The following TBXAS1 variants were observed in gnomAD, a reference collection of about 807,000 sequenced individuals.
TBXAS1 encodes thromboxane-A synthase.
TBXAS1 carries 48 observed loss-of-function variants against 60.7 expected under a neutral mutation model. The ratio of observed to expected loss-of-function variants is 0.79; its 90% confidence interval spans 0.63 to 1.01. The LOEUF is 1.01. Among genes scored for constraint, TBXAS1 ranks in the 50% least tolerant of loss-of-function variants. TBXAS1 has a pLI of 0.00. For synonymous variants in TBXAS1, 287 were observed against 269.7 expected (o/e 1.06, Z -0.63); for missense variants, 685 against 686.3 (o/e 1.00, Z 0.02).
chr7:139,807,039 G>A (rs956967049), intron 4 of TBXAS1, among the ~76,000 whole-genome samples: 2 of 152,294 alleles, frequency 1.3e-5, no homozygotes, highest in East Asian at 1.9e-4. Context: ...CACTTGCTGG[G>A]GAGTCATCCT....
At chr7:139,813,540 G>T (rs544984357) in intron 4 of TBXAS1, among the ~76,000 whole-genome samples, 5 of 152,196 alleles carry the variant, frequency 3.3e-5, no homozygotes, top group Non-Finnish European at 7.3e-5. Context: ...GTTATATCCT[G>T]CTTCTTTTGA....
intron 9 of TBXAS1, among the ~76,000 whole-genome samples, chr7:140,001,943 G>A (rs1398343918): frequency 6.6e-6 from 1 of 152,094 alleles, no homozygotes; most frequent in Non-Finnish European, 1.5e-5. Context: ...TCCCAAATGT[G>A]GGAGATGTGT....
intron 1 of TBXAS1, among the ~76,000 whole-genome samples, chr7:139,840,658 A>G (rs1343212311): frequency 6.6e-6 from 1 of 152,124 alleles, no homozygotes; most frequent in Non-Finnish European, 1.5e-5. Flanking sequence ...ACGGAGGAAT[A>G]AGACATTCAA....
At chr7:139,991,382 T>C (rs1812890432) in intron 9 of TBXAS1, among the ~76,000 whole-genome samples, 1 of 146,840 alleles carries the variant, frequency 6.8e-6, no homozygotes. Context: ...ACCACCAGTG[T>C]CCTCCTGGCT....
rs546343611 is a variant in TBXAS1 at position 139,875,858 on chromosome 7, A to C, written c.236+221A>C. Reference sequence around the variant, plus strand: ...CCACGGGGGGACTCTGCTGGCCTGAAAGAGTACCACTTTCCAGCCTTTGCA... The same window carrying C: ...CCACGGGGGGACTCTGCTGGCCTGACAGAGTACCACTTTCCAGCCTTTGCA... On this transcript the variant is annotated intron_variant, in intron 3 of 12. Transcript: ENST00000448866. 80 of 594,762 alleles carry C rather than the reference A, an allele frequency of 1.3e-4. No homozygotes were observed. In the South Asian group the frequency reaches 1.5e-3, roughly 11 times the overall value. 36.8% of individuals were successfully genotyped at this position (594,762 alleles called of 1,614,324 possible).
Position 139,897,951 on chromosome 7 carries a change from CG to C in TBXAS1, c.237-13271del, listed in dbSNP as rs1387120105. Among the ~76,000 whole-genome samples, 7 of 152,244 alleles carry C rather than the reference CG, an allele frequency of 4.6e-5. No individual in the cohort carries two copies. In the South Asian group the frequency reaches 1.4e-3, roughly 32 times the overall value. ...TCAAGCCTCTTGCTCTAATGACAGA[CG>C]GGAGAGCTGACCCAAAAGGGAAAGA... is the stretch of plus-strand genomic sequence containing the variant. On this transcript the variant is annotated intron_variant, in intron 3 of 12. Transcript: ENST00000448866.
chr7:139,851,953 T>C (rs1193519161), intron 1 of TBXAS1, among the ~76,000 whole-genome samples: 1 of 152,310 alleles, frequency 6.6e-6, no homozygotes, highest in East Asian at 1.9e-4. Flanking sequence ...TATTGGAGAC[T>C]GGGGTTTCCA....
chr7:139,971,910 G>A (rs2117447939), intron 9 of TBXAS1, among the ~76,000 whole-genome samples: 1 of 152,230 alleles, frequency 6.6e-6, no homozygotes. Flanking sequence ...GAGAGGCCCA[G>A]AATCTTCTCT....
intron 5 of TBXAS1, 83 bp from the exon 6 acceptor site, chr7:139,953,285 T>C: frequency 9.0e-7 from 1 of 1,111,656 alleles, no homozygotes; most frequent in Middle Eastern, 2.0e-4. Flanking sequence ...CAGAAAGCAC[T>C]ACATATAACC....
rs1220498145 is a variant in TBXAS1, at chr7:139,920,569, C to T, written c.333+9248C>T. 3.3e-5 allele frequency among the ~76,000 whole-genome samples: 5 copies of T among 152,192 alleles called. No homozygotes were observed. The East Asian group carries it at 9.6e-4, about 29-fold the overall frequency. On this transcript the variant is annotated intron_variant, in intron 4 of 12. Coordinates refer to ENST00000448866, the MANE Select transcript of TBXAS1 (RefSeq NM_001061.7). ...ATGCCAAGGAAGGCAGTGTGATCAT[C>T]CCAAGTCAAGCAGCCTAACGTGAGC...
At chr7:140,011,846 A>G (rs1218847762) in intron 10 of TBXAS1, among the ~76,000 whole-genome samples, 3 of 151,978 alleles carry the variant, frequency 2.0e-5, no homozygotes, top group African/African-American at 7.3e-5. Flanking sequence ...CTATATATAT[A>G]TATATCCACA....
intron 4 of TBXAS1, among the ~76,000 whole-genome samples, chr7:139,813,537 C>A (rs1421645772): frequency 6.6e-6 from 1 of 152,158 alleles, no homozygotes; most frequent in East Asian, 1.9e-4. Context: ...TATGTTATAT[C>A]CTGCTTCTTT....
At position 139,943,584 on chromosome 7, in the gene TBXAS1, G is replaced by A. The variant is rs746038773; in HGVS notation, c.450+7277G>A. 3.9e-5 allele frequency among the ~76,000 whole-genome samples: 6 copies of A among 152,298 alleles called. No homozygotes were observed. The South Asian group carries it at 1.0e-3, about 26-fold the overall frequency. ...GTGCCTCACAGCTTGGCTGTTGCTT[G>A]GCAACGCCAGCAGCCACCTCCTCAT... On this transcript the variant is annotated intron_variant, in intron 5 of 12. Transcript: ENST00000448866.
rs1024210030 is a variant in TBXAS1, at chr7:140,013,336, G to T, written c.1227-2387G>T. ...TTCAGAGGTTTATCTTCCTCGGCAA[G>T]AATTTTCTGGAGCAGAGAGGAAGTC... On this transcript the variant is annotated intron_variant, in intron 10 of 12. Coordinates refer to ENST00000448866, the MANE Select transcript of TBXAS1 (RefSeq NM_001061.7). This position sits in a 1 kb window ranked among gnomAD's most constrained non-coding sequence, Gnocchi z 4.2. Among the ~76,000 whole-genome samples the T allele has an allele frequency of 4.6e-5, 7 of 152,222 alleles. No homozygotes were observed. Among genetic ancestry groups the T allele is most frequent in the Non-Finnish European group, 1.0e-4 (7 of 68,046 alleles).
At position 139,855,642 on chromosome 7, in the gene TBXAS1, A is replaced by C. The variant is rs191874732; in HGVS notation, c.90-16593A>C. 1.7e-4 allele frequency among the ~76,000 whole-genome samples: 26 copies of C among 152,268 alleles called. No individual in the cohort carries two copies. The East Asian group carries it at 4.6e-3, about 27-fold the overall frequency. ...GGCTGATTCAGCAGTGCTAGGAGGA[A>C]GTGGGAGGTTTTGTCGTCCCAGAAG... On this transcript the variant is annotated intron_variant, in intron 1 of 12. Transcript: ENST00000448866.
chr7:139,978,956 A>C (rs953009651), intron 9 of TBXAS1, among the ~76,000 whole-genome samples: 1 of 152,148 alleles, frequency 6.6e-6, no homozygotes, highest in Non-Finnish European at 1.5e-5. Context: ...GTCTTGTCTC[A>C]AAAAAACTAA....
chr7:139,904,733 T>C (rs1169552191), intron 3 of TBXAS1, among the ~76,000 whole-genome samples: 2 of 152,230 alleles, frequency 1.3e-5, no homozygotes, highest in East Asian at 3.8e-4. Flanking sequence ...GAGTTCTTGA[T>C]TTGATTCTCT....
chr7:139,933,568 TAG>T (rs1486159914), intron 4 of TBXAS1, among the ~76,000 whole-genome samples: 1 of 152,190 alleles, frequency 6.6e-6, no homozygotes, highest in Non-Finnish European at 1.5e-5. Flanking sequence ...TTTCTAAATA[TAG>T]AGAGGTATTC....
At chr7:139,848,356 AG>A (rs1191215833) in intron 1 of TBXAS1, among the ~76,000 whole-genome samples, 1 of 152,126 alleles carries the variant, frequency 6.6e-6, no homozygotes, top group African/African-American at 2.4e-5. Context: ...GTAGAAAAAA[AG>A]TTGTGCATCA....
Sources: gnomAD v4.1 joint callset for allele counts (sites outside exome capture counted in the v4.1 genomes callset) on GRCh38, gnomAD v4.1.1 for gene constraint, Gnocchi (gnomAD v3.1) non-coding constraint, MANE v1.5 for transcripts, NCBI Gene and HGNC (gene_info 2026-07-23, HGNC 2026-07-21) for gene names.